STK32B: variants seen among roughly 807,000 people sequenced by gnomAD.
STK32B encodes the protein serine/threonine kinase 32B, also known as serine/threonine-protein kinase 32B.
STK32B carries 43 observed loss-of-function variants against 52.6 expected under a neutral mutation model. The ratio of observed to expected loss-of-function variants is 0.82; its 90% CI spans 0.64 to 1.05. STK32B has a LOEUF of 1.05. Ranked by LOEUF, STK32B falls within the 50% of genes least tolerant of loss-of-function variation. The pLI is 0.00. For synonymous variants in STK32B, 238 were observed against 204.3 expected (o/e 1.17, Z -1.41); for missense variants, 621 against 534.6 (o/e 1.16, Z -1.59).
Position 5,398,867 on chromosome 4 carries a change from C to G in STK32B, c.472+623C>G, listed in dbSNP as rs1390392901. On this transcript the variant is annotated intron_variant, in intron 5 of 11. Transcript: ENST00000282908. The surrounding 1 kb of genome is among the most constrained non-coding windows in gnomAD (Gnocchi z 4.9). The stretch of plus-strand genomic sequence containing the variant: ...CAAAGCTCCCAGGTGGCTGATGCTG[C>G]TGGTCCATGGACCACACCTTGAGTA... 6.6e-6 allele frequency among the ~76,000 whole-genome samples: 1 copy of G among 152,236 alleles called. No individual in the cohort carries two copies. The highest frequency in any genetic ancestry group is 1.5e-5 in the Non-Finnish European group (1 of 68,040).
chr4:5,407,633 C>G (rs1212616022), intron 5 of STK32B, among the ~76,000 whole-genome samples: 1 of 151,912 alleles, frequency 6.6e-6, no homozygotes, highest in African/African-American at 2.4e-5. Flanking sequence ...TAGGTCCTCA[C>G]ATGGATGGCA....
chr4:5,267,435 G>C (rs2134580), intron 3 of STK32B, among the ~76,000 whole-genome samples: 28,932 of 152,094 alleles, frequency 0.19, 5,592 homozygotes, highest in African/African-American at 0.49. Flanking sequence ...TTTGTTTGTA[G>C]CTAAGCTTTG....
chr4:5,445,338 C>G (rs1034076180), intron 6 of STK32B, among the ~76,000 whole-genome samples: 1 of 152,190 alleles, frequency 6.6e-6, no homozygotes, highest in Admixed American at 6.5e-5. Flanking sequence ...TGAGTTGAGA[C>G]AGCTTTAATC....
intron 4 of STK32B, among the ~76,000 whole-genome samples, chr4:5,376,852 C>G (rs1473096873): frequency 6.6e-6 from 1 of 152,200 alleles, no homozygotes; most frequent in Non-Finnish European, 1.5e-5. Context: ...CCTCTGGCCC[C>G]ATGCTCTGCC....
At chr4:5,446,225 A>G (rs1320033799) in intron 6 of STK32B, among the ~76,000 whole-genome samples, 2 of 152,246 alleles carry the variant, frequency 1.3e-5, no homozygotes, top group Non-Finnish European at 2.9e-5. Context: ...CTGAGGGTAC[A>G]AACCACATGG....
intron 3 of STK32B, among the ~76,000 whole-genome samples, chr4:5,255,828 T>A (rs1726256563): frequency 6.6e-6 from 1 of 152,220 alleles, no homozygotes; most frequent in Non-Finnish European, 1.5e-5. Flanking sequence ...ATTCTACTGC[T>A]GTTGGACAAT....
rs115960471 is a variant in STK32B, at chr4:5,180,312, G to C, written c.260+11862G>C. Among the ~76,000 whole-genome samples the C allele has an allele frequency of 6.7e-3, 1,020 of 152,284 alleles. 6 individuals carry two copies. Among genetic ancestry groups the C allele is most frequent in the Non-Finnish European group, 8.9e-3 (607 of 68,016 alleles). On this transcript the variant is annotated intron_variant, in intron 3 of 11. Coordinates refer to ENST00000282908, the MANE Select transcript of STK32B (RefSeq NM_018401.3). ...GGTGGCTGGCCACTAACATCTCCTGGGCACTTGATATGTGTCTTACTGAAC... is the reference window on the plus strand; with the variant it reads ...GGTGGCTGGCCACTAACATCTCCTGCGCACTTGATATGTGTCTTACTGAAC...
chr4:5,277,513 T>G (rs955925537), intron 3 of STK32B, among the ~76,000 whole-genome samples: 4 of 152,336 alleles, frequency 2.6e-5, no homozygotes, highest in Admixed American at 2.0e-4. Context: ...TCTGATTCTT[T>G]GTTTGCTTAT....
chr4:5,490,806 GAGTGAGAATA>G (rs1026366718), intron 11 of STK32B, among the ~76,000 whole-genome samples: 17 of 151,998 alleles, frequency 1.1e-4, no homozygotes, highest in African/African-American at 4.1e-4. Context: ...TCCCAACTAC[GAGTGAGAATA>G]TGCGGTGTTT....
chr4:5,287,507 T>A (rs1728629307), intron 3 of STK32B, among the ~76,000 whole-genome samples: 1 of 152,130 alleles, frequency 6.6e-6, no homozygotes, highest in Admixed American at 6.5e-5. Context: ...TTTGAATAGA[T>A]ACATTTATAT....
chr4:5,163,543 TG>T (rs1718617507), intron 2 of STK32B, among the ~76,000 whole-genome samples: 2 of 21,774 alleles, frequency 9.2e-5, no homozygotes, highest in East Asian at 0.019. Context: ...GAAGGCTGTG[TG>T]TGTGTGTGTG....
At position 5,139,949 on chromosome 4, in the gene STK32B, A is replaced by G; in HGVS notation, c.97A>G (p.Ser33Gly). Residue 33 changes from serine to glycine, a missense_variant, in exon 2 of 12, where the codon AGT becomes GGT. By Grantham distance (56) the Ser-to-Gly change is moderately conservative. Coordinates refer to ENST00000282908, the MANE Select transcript of STK32B (RefSeq NM_018401.3). ...GATTCTGCGGGCCATTGGTAAAGGG[A>G]GTTTTGGAAAGGTAAGAATATAAAT... Reference protein sequence around the residue: ...FQILRAIGKGSFGKVCIVQKR... With the variant: ...FQILRAIGKGGFGKVCIVQKR... 6.2e-7 allele frequency: 1 copy of G among 1,614,110 alleles called. No homozygotes were observed. Among genetic ancestry groups the G allele is most frequent in the Non-Finnish European group, 8.5e-7 (1 of 1,180,010 alleles).
Position 5,400,199 on chromosome 4 carries a change from T to C in STK32B, c.472+1955T>C, listed in dbSNP as rs571425954. On this transcript the variant is annotated intron_variant, in intron 5 of 11. Coordinates refer to ENST00000282908, the MANE Select transcript of STK32B (RefSeq NM_018401.3). This position sits in a 1 kb window ranked among gnomAD's most constrained non-coding sequence, Gnocchi z 6.1. ...TCACAGACCTTGGCCACAGCTCCCC[T>C]GAAGCTGCTGCACAAAAGATATAGG... 2.6e-5 allele frequency among the ~76,000 whole-genome samples: 4 copies of C among 152,322 alleles called. No homozygotes were observed. In the South Asian group the frequency reaches 8.3e-4, roughly 32 times the overall value.
intron 3 of STK32B, among the ~76,000 whole-genome samples, chr4:5,281,899 T>C (rs1482316859): frequency 6.6e-6 from 1 of 152,224 alleles, no homozygotes; most frequent in East Asian, 1.9e-4. Context: ...CAGATACATA[T>C]GTTACATATT....
At chr4:5,402,550 A>C (rs1033395512) in intron 5 of STK32B, among the ~76,000 whole-genome samples, 1 of 152,188 alleles carries the variant, frequency 6.6e-6, no homozygotes, top group Non-Finnish European at 1.5e-5. Context: ...GTGTCCAGTG[A>C]CCACAGAAGG....
intron 8 of STK32B, among the ~76,000 whole-genome samples, chr4:5,458,341 A>G (rs1169455998): frequency 6.6e-6 from 1 of 152,176 alleles, no homozygotes; most frequent in Non-Finnish European, 1.5e-5. Flanking sequence ...AATGATGACA[A>G]TAGCAGCCAG....
At chr4:5,478,652 A>G (rs1057303177) in intron 11 of STK32B, among the ~76,000 whole-genome samples, 1 of 152,242 alleles carries the variant, frequency 6.6e-6, no homozygotes, top group African/African-American at 2.4e-5. Flanking sequence ...CACTCCAAGG[A>G]TAATTTACTT....
chr4:5,419,279 G>T (rs1249598425), intron 6 of STK32B, among the ~76,000 whole-genome samples: 2 of 152,272 alleles, frequency 1.3e-5, no homozygotes, highest in East Asian at 3.9e-4. Flanking sequence ...TGCTATCCAG[G>T]TTTCCTGGCT....
chr4:5,294,107 G>T (rs1015603745), intron 3 of STK32B, among the ~76,000 whole-genome samples: 1 of 152,076 alleles, frequency 6.6e-6, no homozygotes, highest in Non-Finnish European at 1.5e-5. Flanking sequence ...TAGATGGGTG[G>T]CATTATTTCT....
Sources: gnomAD v4.1 joint callset for allele counts (sites outside exome capture counted in the v4.1 genomes callset) on GRCh38, gnomAD v4.1.1 for gene constraint, Gnocchi (gnomAD v3.1) non-coding constraint, MANE v1.5 for transcripts, NCBI Gene and HGNC (gene_info 2026-07-23, HGNC 2026-07-21) for gene names.